BLK: variants seen among roughly 807,000 people sequenced by gnomAD.
BLK encodes BLK proto-oncogene, Src family tyrosine kinase.
A neutral mutation model predicts 61.8 loss-of-function variants in BLK; 64 were observed. The ratio of observed to expected loss-of-function variants is 1.03; its 90% CI spans 0.85 to 1.27. The LOEUF (loss-of-function observed/expected upper bound fraction) is 1.27, where lower values mean the gene tolerates loss of function less well. BLK is among the 50% of genes most tolerant of loss of function. BLK has a pLI of 0.00. For synonymous variants in BLK, 351 were observed against 272.0 expected (o/e 1.29, Z -2.86); for missense variants, 853 against 660.5 (o/e 1.29, Z -3.19).
intron 1 of BLK, among the ~76,000 whole-genome samples, chr8:11,494,995 G>A (rs983585737): frequency 1.3e-5 from 2 of 152,236 alleles, no homozygotes; most frequent in Non-Finnish European, 2.9e-5. Flanking sequence ...AGTGGTCACA[G>A]GCGGGGAGCA....
intron 1 of BLK, among the ~76,000 whole-genome samples, chr8:11,503,394 A>C (rs1378336862): frequency 1.3e-5 from 2 of 152,122 alleles, no homozygotes; most frequent in Non-Finnish European, 2.9e-5. Flanking sequence ...TCTGATCAGA[A>C]AGATCTGGGG....
chr8:11,545,181 A>C (rs1166359210), intron 2 of BLK, among the ~76,000 whole-genome samples: 2 of 152,212 alleles, frequency 1.3e-5, no homozygotes, highest in African/African-American at 2.4e-5. Context: ...GCTGTTGCTC[A>C]TTAATTTTAT....
chr8:11,561,024 C>T (rs551014525), intron 10 of BLK: 1 of 627,238 alleles, frequency 1.6e-6, no homozygotes, highest in Non-Finnish European at 3.0e-6. Context: ...TCTTCCATCT[C>T]TGCAGACCCT....
chr8:11,525,514 C>T (rs1176327406), intron 1 of BLK, among the ~76,000 whole-genome samples: 1 of 152,102 alleles, frequency 6.6e-6, no homozygotes, highest in African/African-American at 2.4e-5. Flanking sequence ...AATAATGTAT[C>T]CTGGGTATTT....
At chr8:11,553,316 G>C in intron 6 of BLK, 1 of 391,412 alleles carries the variant, frequency 2.6e-6, no homozygotes, top group Admixed American at 3.1e-5. Flanking sequence ...TCAGTGCTGA[G>C]AAATCTTCAT....
chr8:11,515,374 A>T (rs1799183603), intron 1 of BLK, among the ~76,000 whole-genome samples: 1 of 152,126 alleles, frequency 6.6e-6, no homozygotes. Flanking sequence ...TTTGAGGATG[A>T]CCAGGAGCTG....
At chr8:11,557,894 G>C (rs996082142) in intron 9 of BLK, 68 bp from the exon 10 acceptor site, 2 of 1,465,092 alleles carry the variant, frequency 1.4e-6, no homozygotes, top group Non-Finnish European at 1.9e-6. Flanking sequence ...ACTCACACCA[G>C]AGAGAGGCTG....
chr8:11,563,788 C>A, intron 12 of BLK, 115 bp from the exon 13 acceptor site: 4 of 997,176 alleles, frequency 4.0e-6, no homozygotes, highest in East Asian at 2.6e-5. Flanking sequence ...TGGTCTGGGA[C>A]TGTGGGCACT....
intron 1 of BLK, among the ~76,000 whole-genome samples, chr8:11,506,050 T>C (rs769061388): frequency 2.0e-5 from 3 of 152,198 alleles, no homozygotes; most frequent in Non-Finnish European, 4.4e-5. Context: ...GGGAGGCAGA[T>C]GGTAGAACAG....
chr8:11,509,085 T>C (rs899623007), intron 1 of BLK: 1 of 152,162 alleles, frequency 6.6e-6, no homozygotes, highest in African/African-American at 2.4e-5. Flanking sequence ...ACTCAGGTGC[T>C]GACCATAACC....
intron 2 of BLK, 120 bp downstream of exon 2, chr8:11,543,467 A>G (rs1175839705): frequency 2.8e-5 from 38 of 1,369,936 alleles, no homozygotes; most frequent in Non-Finnish European, 3.6e-5. Context: ...ACGATCTGCA[A>G]TGTATAAGCA....
In BLK at chr8:11,555,377, G is replaced by A. The variant is rs898140517; in HGVS notation, c.665G>A (p.Arg222His). 31 of 1,614,010 alleles carry A rather than the reference G, an allele frequency of 1.9e-5. No homozygotes were observed. The highest frequency in any genetic ancestry group is 8.9e-5 in the East Asian group (4 of 44,890). ...LCQRLTLPCV[R>H]PAPQNPWAQD... Reference sequence around the variant, plus strand: ...CAGAGGCTGACCCTGCCCTGTGTGCGCCCGGCCCCGCAGAATCCCTGGGCC... The same window carrying A: ...CAGAGGCTGACCCTGCCCTGTGTGCACCCGGCCCCGCAGAATCCCTGGGCC... Residue 222 changes from arginine (R) to histidine (H), a missense_variant, in exon 8 of 13, where the codon CGC becomes CAC. By Grantham distance (29) the Arg-to-His change is conservative. Coordinates refer to ENST00000259089, the MANE Select transcript of BLK (RefSeq NM_001715.3).
In BLK at chr8:11,508,946, C is replaced by G. The variant is rs560791453; in HGVS notation, c.-2+14355C>G. ...AAGGAAATGCTGGGCGCCTTTTGTGCCTCCTACTCATCAATTCCCCCCAGC... is the reference window on the plus strand; with the variant it reads ...AAGGAAATGCTGGGCGCCTTTTGTGGCTCCTACTCATCAATTCCCCCCAGC... On this transcript the variant is annotated intron_variant, in intron 1 of 12. Coordinates refer to ENST00000259089, the MANE Select transcript of BLK (RefSeq NM_001715.3). Among the ~76,000 whole-genome samples the G allele has an allele frequency of 3.3e-5, 5 of 152,264 alleles. No homozygotes were observed. The South Asian group carries it at 1.0e-3, about 32-fold the overall frequency.
Position 11,556,555 on chromosome 8 carries a change from G to A in BLK, c.773-103G>A, listed in dbSNP as rs560916574. On this transcript the variant is annotated intron_variant, in intron 8 of 12. Transcript: ENST00000259089. ...ACTGCATGTTCCAGCTCTGGCACCT[G>A]GAATGGGGTGGCACCTGGGCACTTA... is the stretch of plus-strand genomic sequence containing the variant. 309 of 1,399,758 alleles carry A rather than the reference G, an allele frequency of 2.2e-4. 3 individuals carry two copies. The South Asian group carries it at 3.5e-3, about 16-fold the overall frequency. 86.7% of individuals were successfully genotyped at this position (1,399,758 alleles called of 1,614,324 possible).
At chr8:11,548,797 C>T (rs917050466) in intron 4 of BLK, among the ~76,000 whole-genome samples, 1 of 152,238 alleles carries the variant, frequency 6.6e-6, no homozygotes, top group Non-Finnish European at 1.5e-5. Context: ...TCCTTGTGCC[C>T]TCTTGGCTGG....
chr8:11,499,545 G>A (rs2117236685), intron 1 of BLK, among the ~76,000 whole-genome samples: 1 of 152,292 alleles, frequency 6.6e-6, no homozygotes, highest in South Asian at 2.1e-4. Context: ...GGCTTGTGCT[G>A]AAGGCTGCAT....
chr8:11,502,082 G>T (rs918736386), intron 1 of BLK, among the ~76,000 whole-genome samples: 3 of 152,134 alleles, frequency 2.0e-5, no homozygotes, highest in Admixed American at 6.5e-5. Flanking sequence ...TTCGAGATGC[G>T]CAGCAGCACA....
chr8:11,557,700 A>T (rs1272392307), intron 9 of BLK, among the ~76,000 whole-genome samples: 1 of 152,162 alleles, frequency 6.6e-6, no homozygotes, highest in Non-Finnish European at 1.5e-5. Flanking sequence ...GTGACTTCAG[A>T]CAGGTCCCTG....
rs202028021 is a variant in BLK at position 11,555,380 on chromosome 8, C to G, written c.668C>G (p.Pro223Arg). The G allele has an allele frequency of 6.2e-7, 1 of 1,614,144 alleles. No individual in the cohort carries two copies. The highest frequency in any genetic ancestry group is 2.2e-5 in the East Asian group (1 of 44,876). ...AGGCTGACCCTGCCCTGTGTGCGCC[C>G]GGCCCCGCAGAATCCCTGGGCCCAG... ...CQRLTLPCVR[P>R]APQNPWAQDE... The change falls in exon 8 of 13, where the codon CCG becomes CGG. Residue 223 changes from proline (P) to arginine (R), a missense_variant. Pro to Arg is a moderately radical substitution (Grantham distance 103). Transcript: ENST00000259089.
Sources: allele counts gnomAD v4.1 joint callset (sites outside exome capture counted in the v4.1 genomes callset), GRCh38; gene constraint gnomAD v4.1.1; transcripts MANE v1.5; gene names NCBI Gene and HGNC (gene_info 2026-07-23, HGNC 2026-07-21).